The following SCUBE2 variants were observed in gnomAD, a reference collection of about 807,000 sequenced individuals.
SCUBE2 encodes signal peptide, CUB and EGF-like domain-containing protein 2.
SCUBE2 carries 114 observed loss-of-function variants against 125.9 expected under a neutral mutation model. The ratio of observed to expected loss-of-function variants is 0.91; its 90% CI spans 0.78 to 1.06. The LOEUF (loss-of-function observed/expected upper bound fraction) is 1.06. Among genes scored for constraint, SCUBE2 ranks in the 50% least tolerant of loss-of-function variants. The probability of loss-of-function intolerance (pLI) is 0.00; values close to 1 mark genes in which losing one functional copy is unlikely to be tolerated. For missense variants in SCUBE2, 1,255 were observed against 1,301.8 expected (o/e 0.96, Z 0.55); for synonymous variants, 459 against 492.9 (o/e 0.93, Z 0.91).
At chr11:9,061,283 G>T (rs148734223) in intron 7 of SCUBE2, among the ~76,000 whole-genome samples, 1 of 152,202 alleles carries the variant, frequency 6.6e-6, no homozygotes, top group Non-Finnish European at 1.5e-5. Flanking sequence ...GGTGGCGAGG[G>T]TGGTGGCTTA....
intron 21 of SCUBE2, among the ~76,000 whole-genome samples, chr11:9,023,132 A>T (rs577855925): frequency 6.6e-6 from 1 of 152,344 alleles, no homozygotes; most frequent in Admixed American, 6.5e-5. Context: ...AATTAAGCAT[A>T]TGCAAAGCAC....
chr11:9,045,280 G>A (rs1857592346), intron 16 of SCUBE2, among the ~76,000 whole-genome samples: 1 of 152,038 alleles, frequency 6.6e-6, no homozygotes, highest in Non-Finnish European at 1.5e-5. Context: ...CTGGGGAGTT[G>A]GATTAGGGAG....
chr11:9,060,288 T>C, intron 8 of SCUBE2, 120 bp downstream of exon 8: 1 of 725,940 alleles, frequency 1.4e-6, no homozygotes, highest in Admixed American at 2.2e-5. Context: ...ATATGAATCA[T>C]AAGCAAATCT....
chr11:9,083,430 T>A (rs1049098676), intron 2 of SCUBE2, among the ~76,000 whole-genome samples: 1 of 152,200 alleles, frequency 6.6e-6, no homozygotes, highest in South Asian at 2.1e-4. Context: ...TATGGACTTA[T>A]AATTCTGTAA....
chr11:9,043,291 TAC>T (rs1469521635), intron 16 of SCUBE2, among the ~76,000 whole-genome samples: 2 of 152,164 alleles, frequency 1.3e-5, no homozygotes, highest in Admixed American at 1.3e-4. Flanking sequence ...CACACATGCA[TAC>T]ACACACATAT....
intron 19 of SCUBE2, among the ~76,000 whole-genome samples, chr11:9,028,171 A>G (rs1855958520): frequency 6.6e-6 from 1 of 151,750 alleles, no homozygotes; most frequent in Non-Finnish European, 1.5e-5. Flanking sequence ...AGAAGCTGGG[A>G]CCATATGCAA....
intron 16 of SCUBE2, among the ~76,000 whole-genome samples, 178 bp from the exon 17 acceptor site, chr11:9,033,974 T>C (rs1453403742): frequency 6.6e-6 from 1 of 152,028 alleles, no homozygotes; most frequent in African/African-American, 2.4e-5. Flanking sequence ...CACAGCTTGA[T>C]CCTCATTGCC....
At chr11:9,029,526 C>T (rs1189576069) in intron 19 of SCUBE2, among the ~76,000 whole-genome samples, 3 of 152,218 alleles carry the variant, frequency 2.0e-5, no homozygotes, top group South Asian at 2.1e-4. Flanking sequence ...TCAGCGATGC[C>T]GACTCATTCT....
intron 7 of SCUBE2, among the ~76,000 whole-genome samples, chr11:9,062,585 C>G (rs983158339): frequency 5.3e-5 from 8 of 152,116 alleles, no homozygotes; most frequent in Non-Finnish European, 7.3e-5. Flanking sequence ...AAAAAGAAAC[C>G]TGGAGGAAAC....
intron 3 of SCUBE2, among the ~76,000 whole-genome samples, chr11:9,075,520 G>A (rs1184764773): frequency 6.6e-6 from 1 of 152,212 alleles, no homozygotes; most frequent in Non-Finnish European, 1.5e-5. Context: ...GCACATGAGG[G>A]AGGTTACAGG....
At chr11:9,074,253 A>C (rs1861034922) in intron 4 of SCUBE2, among the ~76,000 whole-genome samples, 1 of 152,194 alleles carries the variant, frequency 6.6e-6, no homozygotes, top group South Asian at 2.1e-4. Flanking sequence ...TGAGAGTTTG[A>C]AAGGACCTCA....
intron 16 of SCUBE2, among the ~76,000 whole-genome samples, chr11:9,042,966 C>T (rs990628360): frequency 5.3e-5 from 8 of 152,180 alleles, no homozygotes; most frequent in Non-Finnish European, 1.0e-4. Flanking sequence ...ATTCTGCTCC[C>T]TCCAGTAAAG....
At chr11:9,089,497 C>T (rs897454799) in intron 2 of SCUBE2, among the ~76,000 whole-genome samples, 1 of 152,202 alleles carries the variant, frequency 6.6e-6, no homozygotes, top group African/African-American at 2.4e-5. Context: ...CATTTCAGAG[C>T]CAGATAAAAC....
rs1344674932 is a variant in SCUBE2 at position 9,055,831 on chromosome 11, T to C, written c.1169A>G (p.Asn390Ser). The change falls in exon 10 of 23, where the codon AAC (asparagine) becomes AGC (serine). Residue 390 changes from asparagine (N) to serine (S), a missense_variant. By Grantham distance (46) the Asn-to-Ser change is conservative. Around this residue, in one of 3 missense-constraint regions of SCUBE2, gnomAD observed 378 missense variants for 463.1 expected, o/e 0.82. Transcript: ENST00000649792. ...NHPGTFACAC[N>S]RGYTLYGFTH... The stretch of plus-strand genomic sequence containing the variant: ...GAAGCCATACAGGGTGTACCCTCGG[T>C]TGCAAGCACAAGCAAATGTGCCAGG... The C allele has an allele frequency of 6.2e-7, 1 of 1,614,128 alleles. No individual in the cohort carries two copies. The highest frequency in any genetic ancestry group is 1.3e-5 in the African/African-American group (1 of 75,026).
intron 16 of SCUBE2, among the ~76,000 whole-genome samples, chr11:9,034,057 G>A (rs1377846963): frequency 3.3e-5 from 5 of 152,158 alleles, no homozygotes; most frequent in African/African-American, 7.2e-5. Flanking sequence ...ACAGGGGTTC[G>A]AATTATTTTT....
rs775581054 is a variant in SCUBE2 at position 9,069,453 on chromosome 11, A to T, written c.560T>A (p.Ile187Asn). The stretch of plus-strand genomic sequence containing the variant: ...GCTGCCCCTTGGGGCCTCCTTGCAG[A>T]TGTGACTACAGCCGTGATCCTTATT... ...CMNKDHGCSH[I>N]CKEAPRGSVA... is the part of the protein sequence containing the mutation. The change falls in exon 5 of 23, where the codon ATC becomes AAC. Residue 187 changes from isoleucine to asparagine, a missense_variant. Ile to Asn is a moderately radical substitution (Grantham distance 149). Around this residue, in one of 3 missense-constraint regions of SCUBE2, gnomAD observed 362 missense variants for 323.0 expected, o/e 1.12. Coordinates refer to ENST00000649792, the MANE Select transcript of SCUBE2 (RefSeq NM_001367977.2). 9 of 1,614,128 alleles carry T rather than the reference A, an allele frequency of 5.6e-6. No individual in the cohort carries two copies. In the South Asian group the frequency reaches 9.9e-5, roughly 18 times the overall value.
At chr11:9,055,995 C>T in intron 9 of SCUBE2, 86 bp from the exon 10 acceptor site, 1 of 991,000 alleles carries the variant, frequency 1.0e-6, no homozygotes, top group Non-Finnish European at 1.6e-6. Flanking sequence ...CAGTTGCTGA[C>T]CAACACCAAA....
rs761301409 is a variant in SCUBE2, at chr11:9,053,182, G to T, written c.1364C>A (p.Pro455His). The change falls in exon 12 of 23, where the codon CCC (proline) becomes CAC (histidine). Residue 455 changes from proline to histidine, a missense_variant. Transcript: ENST00000649792. ...CTTACCGCAGTGCAGGGACACACGG[G>T]GTGACACACTTGTGGGCAGGAGCCC... Reference protein sequence around the residue: ...VKGLLPTSVSPRVSLHCGKSG... With the variant: ...VKGLLPTSVSHRVSLHCGKSG... 4 of 1,614,082 alleles carry T rather than the reference G, an allele frequency of 2.5e-6. No homozygotes were observed. In the African/African-American group the frequency reaches 4.0e-5, roughly 16 times the overall value.
intron 2 of SCUBE2, among the ~76,000 whole-genome samples, chr11:9,084,395 G>A (rs1181746687): frequency 6.6e-6 from 1 of 152,150 alleles, no homozygotes; most frequent in Non-Finnish European, 1.5e-5. Flanking sequence ...ATTACCAGGA[G>A]ACACACATCA....
Sources: gnomAD v4.1 joint callset for allele counts (sites outside exome capture counted in the v4.1 genomes callset) on GRCh38, gnomAD v4.1.1 for gene constraint, gnomAD v4.1.1 regional missense constraint, MANE v1.5 for transcripts, NCBI Gene and HGNC (gene_info 2026-07-23, HGNC 2026-07-21) for gene names.